Variants in UTRN observed in about 807,000 individuals in gnomAD.
The protein encoded by UTRN is utrophin.
Under a neutral mutation model 463.9 loss-of-function variants are expected in UTRN, and 283 were observed. The ratio of observed to expected loss-of-function variants is 0.61; its 90% CI spans 0.55 to 0.67. UTRN has a LOEUF of 0.67. Ranked by LOEUF, UTRN falls within the 30% of genes least tolerant of loss-of-function variation. UTRN has a pLI of 0.00. For synonymous variants in UTRN, 1,442 were observed against 1,431.5 expected (o/e 1.01, Z -0.17); for missense variants, 3,922 against 4,084.3 (o/e 0.96, Z 1.08).
intron 2 of UTRN, among the ~76,000 whole-genome samples, chr6:144,393,375 C>T (rs1047743485): frequency 4.6e-5 from 7 of 152,132 alleles, no homozygotes; most frequent in Admixed American, 6.5e-5. Context: ...TGGAAGTTCA[C>T]GAACAAGAGT....
At chr6:144,532,705 G>T (rs559678385) in intron 42 of UTRN, among the ~76,000 whole-genome samples, 1 of 152,302 alleles carries the variant, frequency 6.6e-6, no homozygotes, top group South Asian at 2.1e-4. Context: ...ATTTATTGGG[G>T]TATATAATTT....
intron 58 of UTRN, among the ~76,000 whole-genome samples, chr6:144,770,193 G>C (rs1793851725): frequency 6.6e-6 from 1 of 152,118 alleles, no homozygotes; most frequent in Non-Finnish European, 1.5e-5. Flanking sequence ...TATTTTGTTT[G>C]AGATCTTGGA....
chr6:144,575,973 A>C (rs1801396238), intron 50 of UTRN, among the ~76,000 whole-genome samples: 4 of 152,150 alleles, frequency 2.6e-5, no homozygotes, highest in African/African-American at 7.2e-5. Context: ...ATATGAATTT[A>C]CCTATTTTGG....
chr6:144,533,226 G>C lies in UTRN; in HGVS notation c.6199G>C (p.Ala2067Pro). ...KLAGLNQRWD[A>P]IVAEVKDRQP... Reference sequence around the variant, plus strand: ...GGCAGGTTTAAACCAACGCTGGGATGCAATTGTTGCAGAAGTGAAGGATAG... The same window carrying C: ...GGCAGGTTTAAACCAACGCTGGGATCCAATTGTTGCAGAAGTGAAGGATAG... Residue 2067 changes from alanine (A) to proline (P), a missense_variant, in exon 43 of 75, where the codon GCA becomes CCA. Ala to Pro is a conservative substitution (Grantham distance 27). This residue lies in a region of UTRN where 2,349 missense variants were observed against 2,303.8 expected (regional missense o/e 1.02). Transcript: ENST00000367545. 6.2e-7 allele frequency: 1 copy of C among 1,614,124 alleles called. No homozygotes were observed.
chr6:144,375,819 C>T lies in UTRN; in HGVS notation c.80-27304C>T, dbSNP rs908575833. On this transcript the variant is annotated intron_variant, in intron 2 of 74. Transcript: ENST00000367545. Reference sequence around the variant, plus strand: ...GCCTTAGATGTTGGAGTCCTTGCTTCCTAGCTCCACCTCTTTGTTTCAGGG... The same window carrying T: ...GCCTTAGATGTTGGAGTCCTTGCTTTCTAGCTCCACCTCTTTGTTTCAGGG... 2.6e-5 allele frequency among the ~76,000 whole-genome samples: 4 copies of T among 152,122 alleles called. No individual in the cohort carries two copies. In the East Asian group the frequency reaches 7.7e-4, roughly 29 times the overall value.
At chr6:144,294,668 A>G (rs1039660396) in intron 2 of UTRN, among the ~76,000 whole-genome samples, 4 of 152,140 alleles carry the variant, frequency 2.6e-5, no homozygotes, top group Non-Finnish European at 4.4e-5. Flanking sequence ...AGTTTGGACA[A>G]TCCAAAAGGC....
intron 2 of UTRN, among the ~76,000 whole-genome samples, chr6:144,325,131 G>C (rs1030119147): frequency 1.3e-5 from 2 of 152,152 alleles, no homozygotes; most frequent in Admixed American, 1.3e-4. Context: ...ACTGACACCA[G>C]GAGGTGCCCC....
At chr6:144,436,933 T>A (rs1786617448) in intron 10 of UTRN, among the ~76,000 whole-genome samples, 1 of 146,040 alleles carries the variant, frequency 6.8e-6, no homozygotes, top group Non-Finnish European at 1.5e-5. Flanking sequence ...TATATGTATA[T>A]GTGTGTGTAT....
intron 33 of UTRN, among the ~76,000 whole-genome samples, chr6:144,493,761 G>A (rs1037567347): frequency 8.6e-5 from 13 of 152,026 alleles, no homozygotes; most frequent in Non-Finnish European, 1.8e-4. Flanking sequence ...TTGAGCCCAG[G>A]GGTTTGAGAC....
chr6:144,520,774 T>C (rs6923086), intron 39 of UTRN, among the ~76,000 whole-genome samples: 3,808 of 152,320 alleles, frequency 0.025, 161 homozygotes, highest in African/African-American at 0.085. Context: ...GTTTTACCTA[T>C]CATCTTGAAT....
At chr6:144,828,633 A>G (rs529212122) in intron 68 of UTRN, among the ~76,000 whole-genome samples, 157 bp from the exon 69 acceptor site, 1 of 152,326 alleles carries the variant, frequency 6.6e-6, no homozygotes, top group South Asian at 2.1e-4. Flanking sequence ...AAGGTAGCTC[A>G]ACATGAAACG....
intron 50 of UTRN, among the ~76,000 whole-genome samples, chr6:144,561,211 A>T (rs1211863812): frequency 2.1e-4 from 1 of 4,734 alleles, no homozygotes; most frequent in African/African-American, 5.2e-4. Flanking sequence ...AACATTATAT[A>T]TATATATATA....
intron 53 of UTRN, among the ~76,000 whole-genome samples, chr6:144,722,487 A>G (rs1428873943): frequency 1.3e-5 from 2 of 152,070 alleles, no homozygotes; most frequent in Non-Finnish European, 2.9e-5. Flanking sequence ...ATGCAGAGGG[A>G]AATTTTTGCT....
At chr6:144,364,248 C>G (rs1267680955) in intron 2 of UTRN, among the ~76,000 whole-genome samples, 3 of 152,316 alleles carry the variant, frequency 2.0e-5, no homozygotes, top group African/African-American at 7.2e-5. Context: ...GTGAGAGTCT[C>G]CCTCTTGTTG....
intron 54 of UTRN, among the ~76,000 whole-genome samples, chr6:144,735,421 T>G (rs1789268129): frequency 6.6e-6 from 1 of 152,196 alleles, no homozygotes; most frequent in Non-Finnish European, 1.5e-5. Context: ...CTGGCCTGGT[T>G]GCCAGAGTCT....
At chr6:144,785,300 T>G (rs910725424) in intron 61 of UTRN, among the ~76,000 whole-genome samples, 3 of 152,210 alleles carry the variant, frequency 2.0e-5, no homozygotes, top group African/African-American at 7.2e-5. Context: ...TGTTTTCAGC[T>G]TCAGCCAGCT....
rs916569739 is a variant in UTRN at position 144,460,098 on chromosome 6, C to T, written c.2707+744C>T. ...TGCTAGGAGGATCAAAATGAATGAT[C>T]CCTTACTTCTGTTTCCTCAAAATAG... is the stretch of plus-strand genomic sequence containing the variant. On this transcript the variant is annotated intron_variant, in intron 21 of 74. Transcript: ENST00000367545. Among the ~76,000 whole-genome samples, 30 of 149,452 alleles carry T rather than the reference C, an allele frequency of 2.0e-4. 1 individual carries two copies. Among genetic ancestry groups the T allele is most frequent in the Non-Finnish European group, 8.9e-5 (6 of 67,632 alleles).
intron 51 of UTRN, among the ~76,000 whole-genome samples, chr6:144,611,305 G>A (rs951376405): frequency 1.3e-5 from 2 of 152,156 alleles, no homozygotes; most frequent in Non-Finnish European, 2.9e-5. Context: ...AAGATCAGGG[G>A]CAAGGCAGGG....
At chr6:144,382,257 A>G (rs1781001967) in intron 2 of UTRN, among the ~76,000 whole-genome samples, 1 of 152,256 alleles carries the variant, frequency 6.6e-6, no homozygotes, top group Non-Finnish European at 1.5e-5. Flanking sequence ...GTGCAGGCAC[A>G]GGGTAGATTC....
Sources: gnomAD v4.1 joint callset for allele counts (sites outside exome capture counted in the v4.1 genomes callset) on GRCh38, gnomAD v4.1.1 for gene constraint, gnomAD v4.1.1 regional missense constraint, MANE v1.5 for transcripts, NCBI Gene and HGNC (gene_info 2026-07-23, HGNC 2026-07-21) for gene names.